The following FARS2 variants were observed in gnomAD, a reference collection of about 807,000 sequenced individuals.
FARS2 encodes phenylalanyl-tRNA synthetase 2, mitochondrial.
Under a neutral mutation model 46.4 loss-of-function variants are expected in FARS2, and 40 were observed. The ratio of observed to expected loss-of-function variants is 0.86; its 90% confidence interval spans 0.67 to 1.12. The LOEUF (loss-of-function observed/expected upper bound fraction) is 1.12. FARS2 is among the 50% of genes most tolerant of loss of function. The pLI is 0.00. For synonymous variants in FARS2, 234 were observed against 214.9 expected (o/e 1.09, Z -0.78); for missense variants, 513 against 567.9 (o/e 0.90, Z 0.98).
chr6:5,442,200 T>C (rs1582115940), intron 4 of FARS2, among the ~76,000 whole-genome samples: 1 of 152,312 alleles, frequency 6.6e-6, no homozygotes, highest in South Asian at 2.1e-4. Context: ...CAATTTTATA[T>C]ATTTATTTAA....
At chr6:5,567,112 C>T (rs576670105) in intron 5 of FARS2, among the ~76,000 whole-genome samples, 1 of 152,358 alleles carries the variant, frequency 6.6e-6, no homozygotes, top group South Asian at 2.1e-4. Context: ...AGTGGCTACA[C>T]CATTTAATAT....
chr6:5,603,773 G>A (rs1561745440), intron 5 of FARS2, among the ~76,000 whole-genome samples: 1 of 152,134 alleles, frequency 6.6e-6, no homozygotes, highest in Non-Finnish European at 1.5e-5. Context: ...TATTACCTCC[G>A]TAAAGATCCT....
intron 6 of FARS2, among the ~76,000 whole-genome samples, chr6:5,677,008 A>C (rs1778802743): frequency 6.6e-6 from 1 of 152,246 alleles, no homozygotes; most frequent in South Asian, 2.1e-4. Context: ...ATTTTTAAAA[A>C]TCAATCTCAA....
At chr6:5,725,786 A>C (rs1402663767) in intron 6 of FARS2, among the ~76,000 whole-genome samples, 1 of 152,068 alleles carries the variant, frequency 6.6e-6, no homozygotes, top group Non-Finnish European at 1.5e-5. Flanking sequence ...AAATACAAAA[A>C]TTAGCTGGGC....
At chr6:5,250,725 GT>G in the FARS2 span, among the ~76,000 whole-genome samples, 1 of 88,126 alleles carries the variant, frequency 1.1e-5, no homozygotes, top group African/African-American at 6.0e-5. Context: ...CAGAACAAAC[GT>G]AAGAACTGAT....
intron 6 of FARS2, among the ~76,000 whole-genome samples, chr6:5,628,241 T>TG (rs1776130481): frequency 6.6e-6 from 1 of 152,162 alleles, no homozygotes; most frequent in Admixed American, 6.5e-5. Context: ...CTTGTTTGTT[T>TG]GCCACAGATG....
chr6:5,501,572 C>T (rs1210046308), intron 4 of FARS2, among the ~76,000 whole-genome samples: 1 of 152,164 alleles, frequency 6.6e-6, no homozygotes, highest in Non-Finnish European at 1.5e-5. Context: ...TCTCAGCTCA[C>T]TGCAACCTCC....
intron 3 of FARS2, among the ~76,000 whole-genome samples, chr6:5,427,265 G>T (rs1582073109): frequency 6.6e-6 from 1 of 152,126 alleles, no homozygotes; most frequent in Non-Finnish European, 1.5e-5. Flanking sequence ...AACTCAAAAT[G>T]GTTTGAAGAC....
intron 6 of FARS2, among the ~76,000 whole-genome samples, chr6:5,769,999 G>C (rs1028740719): frequency 1.3e-5 from 2 of 152,234 alleles, no homozygotes; most frequent in African/African-American, 4.8e-5. Context: ...GACCAAGGCA[G>C]ACTCTCATGC....
At chr6:5,398,439 G>A (rs1761035879) in intron 2 of FARS2, among the ~76,000 whole-genome samples, 1 of 151,906 alleles carries the variant, frequency 6.6e-6, no homozygotes, top group East Asian at 1.9e-4. Flanking sequence ...TTGGTCTTTG[G>A]GAGCCCCTTA....
intron 1 of FARS2, among the ~76,000 whole-genome samples, chr6:5,312,278 C>T (rs1581753319): frequency 6.6e-6 from 1 of 152,108 alleles, no homozygotes; most frequent in Non-Finnish European, 1.5e-5. Context: ...TTATTTTAGG[C>T]TTTGCTTACT....
chr6:5,478,692 A>C (rs2150337426), intron 4 of FARS2, among the ~76,000 whole-genome samples: 1 of 152,244 alleles, frequency 6.6e-6, no homozygotes, highest in East Asian at 1.9e-4. Flanking sequence ...ACCACCATTA[A>C]AATGGTGGTT....
intron 5 of FARS2, among the ~76,000 whole-genome samples, chr6:5,612,422 T>C (rs183067917): frequency 6.6e-6 from 1 of 152,336 alleles, no homozygotes; most frequent in Admixed American, 6.5e-5. Flanking sequence ...CATACACACA[T>C]ATATCTATGT....
At chr6:5,743,184 T>C (rs1010491193) in intron 6 of FARS2, among the ~76,000 whole-genome samples, 1 of 152,226 alleles carries the variant, frequency 6.6e-6, no homozygotes, top group Non-Finnish European at 1.5e-5. Context: ...TCTGATTAAA[T>C]GGCAACTTTA....
intron 4 of FARS2, among the ~76,000 whole-genome samples, chr6:5,439,941 G>A (rs532884191): frequency 3.3e-5 from 5 of 151,876 alleles, no homozygotes; most frequent in East Asian, 1.9e-4. Context: ...ACAAATACAC[G>A]TCAGCCTTAT....
chr6:5,708,055 G>T (rs761270342), intron 6 of FARS2, among the ~76,000 whole-genome samples: 2 of 152,204 alleles, frequency 1.3e-5, no homozygotes, highest in Non-Finnish European at 2.9e-5. Context: ...ACAGGTCAGA[G>T]GGGGCTACTG....
At chr6:5,671,056 C>CT (rs1393491902) in intron 6 of FARS2, among the ~76,000 whole-genome samples, 1 of 152,210 alleles carries the variant, frequency 6.6e-6, no homozygotes, top group African/African-American at 2.4e-5. Flanking sequence ...TAGGTAATTA[C>CT]TTTCTGCCTT....
chr6:5,485,984 T>C (rs1443276979), intron 4 of FARS2, among the ~76,000 whole-genome samples: 2 of 152,346 alleles, frequency 1.3e-5, no homozygotes, highest in Non-Finnish European at 1.5e-5. Flanking sequence ...TTAGGTGGAA[T>C]CCAACTTTGC....
At chr6:5,438,816 G>A (rs540070237) in intron 4 of FARS2, among the ~76,000 whole-genome samples, 16 of 152,132 alleles carry the variant, frequency 1.1e-4, no homozygotes, top group Non-Finnish European at 1.9e-4. Context: ...TGCTCAAAAA[G>A]TTTCATATTT....
Sources: allele counts gnomAD v4.1 joint callset (sites outside exome capture counted in the v4.1 genomes callset), GRCh38; gene constraint gnomAD v4.1.1; transcripts MANE v1.5; gene names NCBI Gene and HGNC (gene_info 2026-07-23, HGNC 2026-07-21).